The following MYH13 variants were observed in gnomAD, a reference collection of about 807,000 sequenced individuals.
The protein encoded by MYH13 is myosin-13.
A neutral mutation model predicts 232.1 loss-of-function variants in MYH13; 177 were observed. The ratio of observed to expected loss-of-function variants is 0.76; its 90% CI spans 0.67 to 0.86. The LOEUF is 0.86. MYH13 is among the 40% of genes least tolerant of loss of function. The pLI, the probability that MYH13 is intolerant of heterozygous loss-of-function variation, is 0.00. For synonymous variants in MYH13, 884 were observed against 923.5 expected (o/e 0.96, Z 0.78); for missense variants, 2,246 against 2,405.9 (o/e 0.93, Z 1.39).
At chr17:10,344,344 G>T (rs910468225) in intron 15 of MYH13, among the ~76,000 whole-genome samples, 13 of 152,224 alleles carry the variant, frequency 8.5e-5, no homozygotes, top group African/African-American at 3.1e-4. Context: ...AATTATGTGT[G>T]TATAAACCTA....
chr17:10,311,858 G>T lies in MYH13; in HGVS notation c.4531+53C>A, dbSNP rs888098872. ...ATGGCTGTGGCCAAATGGGGAAGGGGTTGGCAGGAGGAGAGGGGGACATAG... is the reference window on the plus strand; with the variant it reads ...ATGGCTGTGGCCAAATGGGGAAGGGTTTGGCAGGAGGAGAGGGGGACATAG... On this transcript the variant is annotated intron_variant, in intron 32 of 40. Coordinates refer to ENST00000252172, the MANE Select transcript of MYH13 (RefSeq NM_003802.3). 1.5e-5 allele frequency: 24 copies of T among 1,602,420 alleles called. No homozygotes were observed. In the East Asian group the frequency reaches 5.4e-4, roughly 36 times the overall value.
In MYH13 at chr17:10,330,535, G is replaced by C. The variant is rs750124101; in HGVS notation, c.2299-12C>G. 1.3e-6 allele frequency: 2 copies of C among 1,598,738 alleles called. No individual in the cohort carries two copies. On this transcript the variant is annotated splice_polypyrimidine_tract_variant and intron_variant, in intron 20 of 40. Transcript: ENST00000252172. ...GCTTTGAAAAACACCTGCATTAAAA[G>C]ACAGAGGAGCCTTGATCTTTTTCCC...
At chr17:10,340,306 T>C (rs1171463397) in intron 17 of MYH13, 22 bp downstream of exon 17, 2 of 1,613,694 alleles carry the variant, frequency 1.2e-6, no homozygotes, top group African/African-American at 1.3e-5. Context: ...CAAGTGAATA[T>C]GGAAGCTGCC....
intron 21 of MYH13, among the ~76,000 whole-genome samples, chr17:10,330,128 T>C (rs2142244523): frequency 6.6e-6 from 1 of 152,262 alleles, no homozygotes; most frequent in Non-Finnish European, 1.5e-5. Context: ...ACTCGAACAT[T>C]GAGCTTGTCA....
chr17:10,340,022 AT>A, intron 18 of MYH13, 127 bp downstream of exon 18: 1 of 766,366 alleles, frequency 1.3e-6, no homozygotes, highest in Non-Finnish European at 2.1e-6. Flanking sequence ...TGGCAACCCT[AT>A]TTCAGAGACT....
intron 8 of MYH13, among the ~76,000 whole-genome samples, chr17:10,356,823 C>T (rs893833018): frequency 1.3e-5 from 2 of 152,146 alleles, no homozygotes; most frequent in African/African-American, 2.4e-5. Flanking sequence ...GCTCCACTGG[C>T]CAGTGAAATG....
At chr17:10,346,909 A>T (rs561702583) in intron 12 of MYH13, 111 bp from the exon 13 acceptor site, 71 of 753,554 alleles carry the variant, frequency 9.4e-5, no homozygotes, top group African/African-American at 7.0e-4. Flanking sequence ...AAATGTTTTC[A>T]TGTTGTCATA....
Position 10,303,424 on chromosome 17 carries a change from G to A in MYH13, c.5541C>T (p.Tyr1847=), listed in dbSNP as rs369185144. 2.7e-5 allele frequency: 43 copies of A among 1,613,940 alleles called. No individual in the cohort carries two copies. The highest frequency in any genetic ancestry group is 3.3e-5 in the Admixed American group (2 of 60,004). ...AAGTCATCTCCTTGACTTTGCGTTC[G>A]TACTTGTGGGCTCCCTTCAGGGCTT... ...GAEALKGAHK[Y]ERKVKEMTYQ... The change falls in exon 38 of 41, where the codon TAC becomes TAT. Residue 1847 remains tyrosine, a synonymous_variant. Transcript: ENST00000252172.
At position 10,364,361 on chromosome 17, in the gene MYH13, T is replaced by G. The variant is rs544749229; in HGVS notation, c.170A>C (p.Asn57Thr). 1.9e-6 allele frequency: 3 copies of G among 1,613,760 alleles called. No homozygotes were observed. Among genetic ancestry groups the G allele is most frequent in the Non-Finnish European group, 2.5e-6 (3 of 1,179,818 alleles). The change falls in exon 3 of 41, where the codon AAT becomes ACT. Residue 57 changes from asparagine to threonine, a missense_variant. By Grantham distance (65) the Asn-to-Thr change is moderately conservative. Transcript: ENST00000252172. ...GAGGGTCTTGACTATGACTTTGTCA[T>G]TTTCCCTAGTCTGGATCATGCCTTT... ...YVKGMIQTRE[N>T]DKVIVKTLDD...
At chr17:10,313,079 C>A in intron 30 of MYH13, 79 bp downstream of exon 30, 1 of 1,594,200 alleles carries the variant, frequency 6.3e-7, no homozygotes, top group South Asian at 1.1e-5. Flanking sequence ...AGGAAAGAAT[C>A]TCTCAAGATA....
chr17:10,314,935 G>T (rs887249254), intron 29 of MYH13, among the ~76,000 whole-genome samples: 1 of 152,204 alleles, frequency 6.6e-6, no homozygotes, highest in African/African-American at 2.4e-5. Context: ...TCATGTTTAT[G>T]CGACTGTCTC....
Position 10,328,139 on chromosome 17 carries a change from C to T in MYH13, c.2436-18G>A. ...TGGAGTCCCTGTACACCCATTAGGACTCAAATTAATAAATCCAGCAAGGTC... is the reference window on the plus strand; with the variant it reads ...TGGAGTCCCTGTACACCCATTAGGATTCAAATTAATAAATCCAGCAAGGTC... On this transcript the variant is annotated intron_variant, in intron 21 of 40. Transcript: ENST00000252172. 1.2e-6 allele frequency: 2 copies of T among 1,609,134 alleles called. No individual in the cohort carries two copies. Among genetic ancestry groups the T allele is most frequent in the African/African-American group, 1.3e-5 (1 of 74,692 alleles).
intron 7 of MYH13, among the ~76,000 whole-genome samples, chr17:10,358,203 C>G (rs8074846): frequency 0.022 from 3,339 of 152,146 alleles, 110 homozygotes; most frequent in East Asian, 0.11. Flanking sequence ...AGATATTTGT[C>G]TTCAGAAGGA....
Position 10,313,201 on chromosome 17 carries a change from C to G in MYH13, c.4138G>C (p.Glu1380Gln), listed in dbSNP as rs376810508. The G allele has an allele frequency of 1.2e-6, 2 of 1,614,200 alleles. No homozygotes were observed. Among genetic ancestry groups the G allele is most frequent in the East Asian group, 2.2e-5 (1 of 44,874 alleles). The change falls in exon 30 of 41, where the codon GAG (glutamate) becomes CAG (glutamine). Residue 1380 changes from glutamate (E) to glutamine (Q), a missense_variant. Coordinates refer to ENST00000252172, the MANE Select transcript of MYH13 (RefSeq NM_003802.3). Reference protein sequence around the residue: ...SEVAQWRTKYETDAIQRTEEL... With the variant: ...SEVAQWRTKYQTDAIQRTEEL... ...TCTGTGCGCTGAATGGCGTCCGTCT[C>G]GTATTTGGTCCTCCACTGGGCAACC...
intron 3 of MYH13, among the ~76,000 whole-genome samples, chr17:10,363,965 G>T (rs1216101176): frequency 6.6e-6 from 1 of 152,208 alleles, no homozygotes; most frequent in Non-Finnish European, 1.5e-5. Context: ...CATTAAGTGA[G>T]TCAATGGCTC....
Position 10,332,944 on chromosome 17 carries a change from C to T in MYH13, c.2174+130G>A, listed in dbSNP as rs184330913. 4.3e-4 allele frequency: 332 copies of T among 766,098 alleles called. 1 individual carries two copies. In the Admixed American group the frequency reaches 7.4e-3, roughly 17 times the overall value. 47.5% of individuals were successfully genotyped at this position (766,098 alleles called of 1,614,324 possible). On this transcript the variant is annotated intron_variant, in intron 19 of 40. Transcript: ENST00000252172. ...GTGGGCATGGGATCAGTTCCTCTAGCAAGAGATGAAGTCTGTGGAAACTCT... is the reference window on the plus strand; with the variant it reads ...GTGGGCATGGGATCAGTTCCTCTAGTAAGAGATGAAGTCTGTGGAAACTCT...
chr17:10,361,292 CT>C (rs147949319), intron 5 of MYH13, among the ~76,000 whole-genome samples: 2,643 of 137,028 alleles, frequency 0.019, 72 homozygotes, highest in African/African-American at 0.06. Flanking sequence ...ATGCTAGACT[CT>C]TTTTTTTTTT....
chr17:10,301,469 C>A, intron 40 of MYH13, 100 bp downstream of exon 40: 1 of 1,547,984 alleles, frequency 6.5e-7, no homozygotes, highest in Non-Finnish European at 8.8e-7. Context: ...AGGTACCTGC[C>A]CTTATCTGGC....
At chr17:10,316,102 C>A in intron 27 of MYH13, 77 bp from the exon 28 acceptor site, 2 of 1,489,132 alleles carry the variant, frequency 1.3e-6, no homozygotes, top group South Asian at 1.2e-5. Context: ...ACAGTGTAAT[C>A]ATTTAGTTTC....
Sources: allele counts gnomAD v4.1 joint callset (sites outside exome capture counted in the v4.1 genomes callset), GRCh38; gene constraint gnomAD v4.1.1; transcripts MANE v1.5; gene names NCBI Gene and HGNC (gene_info 2026-07-23, HGNC 2026-07-21).